The following CTNNA2 variants were observed in gnomAD, a reference collection of about 807,000 sequenced individuals.
CTNNA2 encodes the protein catenin alpha 2.
CTNNA2 carries 42 observed loss-of-function variants against 101.0 expected under a neutral mutation model. The observed-to-expected ratio is 0.42, with a 90% confidence interval of 0.32 to 0.54. CTNNA2 has a LOEUF of 0.54. Ranked by LOEUF, CTNNA2 falls within the 20% of genes least tolerant of loss-of-function variation. The probability of loss-of-function intolerance (pLI) is 0.14; values close to 1 mark genes in which losing one functional copy is unlikely to be tolerated. For synonymous variants in CTNNA2, 450 were observed against 456.4 expected (o/e 0.99, Z 0.18); for missense variants, 871 against 1,223.1 (o/e 0.71, Z 4.29).
chr2:79,657,813 A>G (rs560007931), intron 2 of CTNNA2, among the ~76,000 whole-genome samples: 98 of 151,938 alleles, frequency 6.4e-4, no homozygotes, highest in Non-Finnish European at 1.2e-3. Context: ...ATACTTTAGT[A>G]TATCAATAGA....
chr2:79,546,495 TC>T (rs1673739103), intron 1 of CTNNA2, among the ~76,000 whole-genome samples: 1 of 152,186 alleles, frequency 6.6e-6, no homozygotes. Flanking sequence ...AAATGTAATT[TC>T]CTTATAGTCC....
At chr2:80,109,543 C>T (rs1701088000) in intron 7 of CTNNA2, among the ~76,000 whole-genome samples, 1 of 152,148 alleles carries the variant, frequency 6.6e-6, no homozygotes, top group South Asian at 2.1e-4. Context: ...CCTCTGGTCT[C>T]CAGACCAGCA....
intron 7 of CTNNA2, among the ~76,000 whole-genome samples, chr2:80,045,686 A>G (rs796799756): frequency 5.9e-4 from 90 of 152,230 alleles, no homozygotes; most frequent in African/African-American, 2.1e-3. Flanking sequence ...GAATTTGTCC[A>G]GAATAGGGTC....
intron 1 of CTNNA2, among the ~76,000 whole-genome samples, chr2:79,631,054 C>T (rs1679656921): frequency 6.6e-6 from 1 of 151,986 alleles, no homozygotes; most frequent in Admixed American, 6.6e-5. Context: ...TTTATGTGCC[C>T]CCTGGCAGAT....
chr2:79,520,486 AT>A (rs1672044794), intron 1 of CTNNA2, among the ~76,000 whole-genome samples: 1 of 152,210 alleles, frequency 6.6e-6, no homozygotes, highest in South Asian at 2.1e-4. Flanking sequence ...TAATCATAAA[AT>A]TTAAAAGAAA....
intron 7 of CTNNA2, among the ~76,000 whole-genome samples, chr2:80,016,903 C>G (rs531419220): frequency 1.3e-5 from 2 of 152,234 alleles, no homozygotes; most frequent in Admixed American, 6.5e-5. Context: ...AATTTAGGAG[C>G]CTTTCTAGTG....
chr2:79,579,150 T>G (rs1675985840), intron 1 of CTNNA2, among the ~76,000 whole-genome samples: 1 of 151,398 alleles, frequency 6.6e-6, no homozygotes, highest in Admixed American at 6.6e-5. Context: ...CTTCCTTTCC[T>G]TCTCTTTTTT....
At position 80,608,312 on chromosome 2, in the gene CTNNA2, G is replaced by A. The variant is rs1432844988; in HGVS notation, c.2424G>A (p.Val808=). The change falls in exon 17 of 19, where the codon GTG becomes GTA. Residue 808 remains valine (V), a synonymous_variant. Coordinates refer to ENST00000402739, the MANE Select transcript of CTNNA2 (RefSeq NM_001282597.3). ...EVQNLGGELI[V]SGTGVQSTFT... ...AGAATCTGGGAGGAGAGCTCATTGT[G>A]TCAGGGGTAAGCTGGACTTGGGCTT... is the stretch of plus-strand genomic sequence containing the variant. 6.8e-6 allele frequency: 11 copies of A among 1,608,778 alleles called. No homozygotes were observed. Among genetic ancestry groups the A allele is most frequent in the East Asian group, 2.2e-5 (1 of 44,764 alleles).
At chr2:79,500,698 T>C (rs1671309710) in intron 4 of CTNNA2, 1 of 152,234 alleles carries the variant, frequency 6.6e-6, no homozygotes, top group African/African-American at 2.4e-5. Context: ...AGGGATGAGA[T>C]TGTCTCACGG....
At chr2:80,126,894 C>T (rs1702164984) in intron 7 of CTNNA2, among the ~76,000 whole-genome samples, 1 of 152,130 alleles carries the variant, frequency 6.6e-6, no homozygotes, top group African/African-American at 2.4e-5. Flanking sequence ...AGCAGCTAAA[C>T]AAGCTTAAGA....
intron 2 of CTNNA2, among the ~76,000 whole-genome samples, chr2:79,271,682 T>A (rs1455967171): frequency 6.6e-6 from 1 of 151,966 alleles, no homozygotes; most frequent in East Asian, 1.9e-4. Flanking sequence ...CTCTCTACTT[T>A]TACTGCTAAC....
chr2:79,244,149 C>T lies in CTNNA2; in HGVS notation c.-406+46073C>T, dbSNP rs544010618. Among the ~76,000 whole-genome samples, 98 of 152,162 alleles carry T rather than the reference C, an allele frequency of 6.4e-4. 1 individual carries two copies. The highest frequency in any genetic ancestry group is 8.3e-4 in the South Asian group (4 of 4,806). ...CATCTTCTTTGTGGACTTTGGAGACCGTTCTGCTTTTATATTGTCTGTAGG... is the reference window on the plus strand; with the variant it reads ...CATCTTCTTTGTGGACTTTGGAGACTGTTCTGCTTTTATATTGTCTGTAGG... On this transcript the variant is annotated intron_variant, in intron 2 of 21. Coordinates refer to the CTNNA2 transcript ENST00000466387.
Position 79,506,788 on chromosome 2 carries a change from A to G in CTNNA2, c.-6+1606A>G, listed in dbSNP as rs565960996. ...GATTCTGTCCCAAATCGTTTTCACT[A>G]TGGTATTCAGGACTGTTTGTGAAAT... On this transcript the variant is annotated intron_variant, in intron 5 of 21. Transcript: ENST00000466387. Among the ~76,000 whole-genome samples the G allele has an allele frequency of 7.9e-5, 12 of 152,292 alleles. No individual in the cohort carries two copies. In the East Asian group the frequency reaches 2.3e-3, roughly 29 times the overall value.
intron 2 of CTNNA2, among the ~76,000 whole-genome samples, chr2:79,723,202 C>G (rs1439800347): frequency 6.6e-6 from 1 of 152,038 alleles, no homozygotes; most frequent in Non-Finnish European, 1.5e-5. Flanking sequence ...TGCACAAGTC[C>G]TATTGGTCCT....
rs1261915448 is a variant in CTNNA2, at chr2:79,286,005, G to A, written c.-405-26704G>A. On this transcript the variant is annotated intron_variant, in intron 2 of 21. Transcript: ENST00000466387. ...GTTGAATTCATCCCTTTACCATTAT[G>A]TAATGGCCTTCTTTGTCTCTTTTGA... Among the ~76,000 whole-genome samples, 3 of 150,342 alleles carry A rather than the reference G, an allele frequency of 2.0e-5. No homozygotes were observed. In the South Asian group the frequency reaches 6.2e-4, roughly 31 times the overall value.
chr2:79,926,288 T>C (rs2104400432), intron 7 of CTNNA2, among the ~76,000 whole-genome samples: 1 of 152,272 alleles, frequency 6.6e-6, no homozygotes, highest in South Asian at 2.1e-4. Flanking sequence ...ATACTAGAAC[T>C]CTTGGCATGC....
chr2:79,588,588 G>GA (rs564270240), intron 1 of CTNNA2, among the ~76,000 whole-genome samples: 2 of 151,640 alleles, frequency 1.3e-5, no homozygotes, highest in Non-Finnish European at 2.9e-5. Context: ...TTATAGAATG[G>GA]AAAAAAATAA....
chr2:79,193,382 A>G (rs1448092718), intron 1 of CTNNA2, among the ~76,000 whole-genome samples: 1 of 152,166 alleles, frequency 6.6e-6, no homozygotes, highest in Non-Finnish European at 1.5e-5. Context: ...ATTCTGATAC[A>G]CAAATATTTA....
intron 2 of CTNNA2, 102 bp downstream of exon 2, chr2:79,651,760 T>C (rs1319613189): frequency 4.2e-6 from 4 of 961,894 alleles, no homozygotes; most frequent in Admixed American, 2.1e-5. Context: ...GAATAAATCA[T>C]GCCATGATTC....
Sources: gnomAD v4.1 joint callset for allele counts (sites outside exome capture counted in the v4.1 genomes callset) on GRCh38, gnomAD v4.1.1 for gene constraint, MANE v1.5 for transcripts, NCBI Gene and HGNC (gene_info 2026-07-23, HGNC 2026-07-21) for gene names.